Variants in NEB observed in about 807,000 individuals in gnomAD.
NEB encodes the protein nemaline myopathy type 2.
Under a neutral mutation model 952.2 loss-of-function variants are expected in NEB, and 512 were observed. The observed-to-expected ratio is 0.54, with a 90% confidence interval of 0.50 to 0.58. The LOEUF (loss-of-function observed/expected upper bound fraction) is 0.58, where lower values mean the gene tolerates loss of function less well. Ranked by LOEUF, NEB falls within the 20% of genes least tolerant of loss-of-function variation. The probability of loss-of-function intolerance (pLI) is 0.00; values close to 1 mark genes in which losing one functional copy is unlikely to be tolerated. For synonymous variants in NEB, 2,900 were observed against 3,149.8 expected, an observed-to-expected ratio of 0.92 and a Z score of 2.66; for missense variants, 8,428 against 9,231.1, an observed-to-expected ratio of 0.91 and a Z score of 3.56.
In NEB at chr2:151,537,883, T is replaced by A; in HGVS notation, c.21091A>T (p.Thr7031Ser). 6.2e-7 allele frequency: 1 copy of A among 1,600,198 alleles called. No homozygotes were observed. Among genetic ancestry groups the A allele is most frequent in the Admixed American group, 1.7e-5 (1 of 58,808 alleles). The change falls in exon 140 of 182, where the codon ACA becomes TCA. Residue 7031 changes from threonine (T) to serine (S), a missense_variant. Physicochemically the swap from Thr to Ser is moderately conservative, Grantham distance 58. This residue lies in a region of NEB where 3,374 missense variants were observed against 3,651.5 expected (regional missense o/e 0.92). Transcript: ENST00000397345. ...ATGTCAACACTCACATCACTGACTGTGTCAGTGACTGCTCGGTGGTGGAAA... is the reference window on the plus strand; with the variant it reads ...ATGTCAACACTCACATCACTGACTGAGTCAGTGACTGCTCGGTGGTGGAAA... ...EHFHHRAVTDTVSDVKYKEDL... is the reference protein window; with the variant it reads ...EHFHHRAVTDSVSDVKYKEDL...
In NEB at chr2:151,615,994, C is replaced by T; in HGVS notation, c.11289+8G>A. 2.5e-6 allele frequency: 4 copies of T among 1,595,630 alleles called. No homozygotes were observed. The highest frequency in any genetic ancestry group is 1.7e-6 in the Non-Finnish European group (2 of 1,168,310). ...ATAAGAAATGGCTTTTCCAAAACAT[C>T]CACTTACATCACTAGCAATATCTCT... On this transcript the variant is annotated splice_region_variant and intron_variant, in intron 76 of 181. Coordinates refer to ENST00000397345, the MANE Select transcript of NEB (RefSeq NM_001164508.2).
At position 151,729,606 on chromosome 2, in the gene NEB, G is replaced by A. The variant is rs373141155; in HGVS notation, c.78+9C>T. Reference sequence around the variant, plus strand: ...AATGCAGTTTATGCAGCTGTGGGCTGGGCCTTACCTCTCCCGGCACCTCTT... The same window carrying A: ...AATGCAGTTTATGCAGCTGTGGGCTAGGCCTTACCTCTCCCGGCACCTCTT... On this transcript the variant is annotated intron_variant, in intron 4 of 181. Transcript: ENST00000397345. 6.2e-7 allele frequency: 1 copy of A among 1,612,936 alleles called. No homozygotes were observed. Among genetic ancestry groups the A allele is most frequent in the Non-Finnish European group, 8.5e-7 (1 of 1,179,180 alleles).
In NEB at chr2:151,656,349, C is replaced by G; in HGVS notation, c.6299G>C (p.Arg2100Pro). 1 of 1,613,544 alleles carries G rather than the reference C, an allele frequency of 6.2e-7. No homozygotes were observed. The highest frequency in any genetic ancestry group is 8.5e-7 in the Non-Finnish European group (1 of 1,179,680). Residue 2100 changes from arginine (R) to proline (P), a missense_variant, in exon 49 of 182, where the codon CGG becomes CCG. By Grantham distance (103) the Arg-to-Pro change is moderately radical. Coordinates refer to ENST00000397345, the MANE Select transcript of NEB (RefSeq NM_001164508.2). ...SMQVAKMQSD[R>P]EYKKNYENTK... ...GTTCTCATAGTTTTTCTTGTACTCCCGATCAGATTGCATCTTAGCCACTTG... is the reference window on the plus strand; with the variant it reads ...GTTCTCATAGTTTTTCTTGTACTCCGGATCAGATTGCATCTTAGCCACTTG...
intron 168 of NEB, chr2:151,499,593 A>G: frequency 2.5e-6 from 1 of 402,924 alleles, no homozygotes; most frequent in Non-Finnish European, 4.5e-6. Flanking sequence ...TTTGATATTC[A>G]TCATCTTTTT....
chr2:151,643,861 C>T lies in NEB; in HGVS notation c.7913G>A (p.Ser2638Asn), dbSNP rs749473861. The part of the protein sequence containing the change: ...LHQWTCLPDQ[S>N]DVIHARQAYD... Reference sequence around the variant, plus strand: ...GGCCTGCCGAGCATGGATGACATCGCTCTGGTCGGGCAGGCATGTCCACTG... The same window carrying T: ...GGCCTGCCGAGCATGGATGACATCGTTCTGGTCGGGCAGGCATGTCCACTG... The change falls in exon 57 of 182, where the codon AGC (serine) becomes AAC (asparagine). Residue 2638 changes from serine (S) to asparagine (N), a missense_variant. By Grantham distance (46) the Ser-to-Asn change is conservative. This residue lies in a region of NEB where 1,772 missense variants were observed against 1,960.3 expected (regional missense o/e 0.90). Transcript: ENST00000397345. 6.8e-6 allele frequency: 11 copies of T among 1,613,904 alleles called. No homozygotes were observed. In the Admixed American group the frequency reaches 1.3e-4, roughly 20 times the overall value.
intron 107 of NEB, among the ~76,000 whole-genome samples, chr2:151,572,021 T>C (rs1383955842): frequency 6.6e-6 from 1 of 152,222 alleles, no homozygotes; most frequent in Admixed American, 6.5e-5. Flanking sequence ...ATATTCTCCA[T>C]ATTAAAATGT....
At chr2:151,644,347 A>C in intron 56 of NEB, 121 bp downstream of exon 56, 1 of 1,099,920 alleles carries the variant, frequency 9.1e-7, no homozygotes, top group Non-Finnish European at 1.3e-6. Flanking sequence ...ACTGCATGGG[A>C]TCATTTTATT....
In NEB at chr2:151,554,998, A is replaced by C; in HGVS notation, c.19361T>G (p.Leu6454Ter). Residue 6454 changes from leucine to a stop codon, truncating the protein, a stop_gained, in exon 125 of 182, where the codon TTA becomes TGA. Transcript: ENST00000397345. LOFTEE classifies it high-confidence loss of function. The part of the protein sequence containing the change: ...EYEKFKALYT[L>*]PRSVDDDPNT... ...CGGATCATCGTCAACACTTCTTGGT[A>C]ACGTATAAAGAGCTTTGAACTTTTC... The C allele has an allele frequency of 1.2e-6, 2 of 1,613,822 alleles. No homozygotes were observed. Among genetic ancestry groups the C allele is most frequent in the South Asian group, 2.2e-5 (2 of 91,080 alleles).
At position 151,569,864 on chromosome 2, in the gene NEB, T is replaced by C. The variant is rs570122863; in HGVS notation, c.17430+217A>G. On this transcript the variant is annotated intron_variant, in intron 109 of 181. Coordinates refer to ENST00000397345, the MANE Select transcript of NEB (RefSeq NM_001164508.2). ...CACAGTTTTCTTTAATCTGATACAA[T>C]TAAGACCTGTATTCATACTACCATT... is the stretch of plus-strand genomic sequence containing the variant. Among the ~76,000 whole-genome samples, 17 of 152,332 alleles carry C rather than the reference T, an allele frequency of 1.1e-4. No individual in the cohort carries two copies. In the South Asian group the frequency reaches 1.2e-3, roughly 11 times the overall value.
intron 153 of NEB, among the ~76,000 whole-genome samples, chr2:151,522,597 T>C (rs2082640662): frequency 6.7e-6 from 1 of 149,582 alleles, no homozygotes; most frequent in Non-Finnish European, 1.5e-5. Flanking sequence ...TCAACAAATT[T>C]CCACAGCAAT....
At chr2:151,497,777 C>G in intron 170 of NEB, 59 bp from the exon 171 acceptor site, 1 of 1,546,028 alleles carries the variant, frequency 6.5e-7, no homozygotes, top group Non-Finnish European at 8.7e-7. Flanking sequence ...TTTCTTGGGA[C>G]TTTTTAAGGA....
In NEB at chr2:151,725,514, G is replaced by A. The variant is rs1243797690; in HGVS notation, c.341C>T (p.Ala114Val). The A allele has an allele frequency of 9.3e-6, 15 of 1,613,436 alleles. No homozygotes were observed. The highest frequency in any genetic ancestry group is 1.3e-5 in the African/African-American group (1 of 74,828). The change falls in exon 6 of 182, where the codon GCC (alanine) becomes GTC (valine). Residue 114 changes from alanine (A) to valine (V), a missense_variant. By Grantham distance (64) the Ala-to-Val change is moderately conservative. Transcript: ENST00000397345. The stretch of plus-strand genomic sequence containing the variant: ...AAGTTCTGGAGTATCTGTTGTGCTG[G>A]CGTATGGCTGTCCTTTTGTTTTCTC... ...KFEKTKGQPY[A>V]STTDTPELRR...
intron 13 of NEB, among the ~76,000 whole-genome samples, chr2:151,705,096 G>A (rs1286588189): frequency 2.0e-5 from 3 of 151,936 alleles, no homozygotes; most frequent in Non-Finnish European, 4.4e-5. Flanking sequence ...GTTATATAAG[G>A]TGAGAAATAC....
Position 151,688,412 on chromosome 2 carries a change from T to C in NEB, c.2311-16A>G. The C allele has an allele frequency of 6.3e-7, 1 of 1,591,790 alleles. No homozygotes were observed. Among genetic ancestry groups the C allele is most frequent in the East Asian group, 2.2e-5 (1 of 44,736 alleles). Reference sequence around the variant, plus strand: ...TGTAATTCAGCTGAAAAACAAAGGATATTTGAACGGTTCAGGGGAACTTCT... The same window carrying C: ...TGTAATTCAGCTGAAAAACAAAGGACATTTGAACGGTTCAGGGGAACTTCT... On this transcript the variant is annotated splice_polypyrimidine_tract_variant and intron_variant, in intron 24 of 181. Transcript: ENST00000397345.
chr2:151,574,626 T>C (rs2096766801), intron 107 of NEB, among the ~76,000 whole-genome samples: 1 of 152,218 alleles, frequency 6.6e-6, no homozygotes, highest in Non-Finnish European at 1.5e-5. Flanking sequence ...CATTCCTGCA[T>C]GAACCCCAGT....
At chr2:151,679,014 T>C (rs2099394864) in intron 32 of NEB, among the ~76,000 whole-genome samples, 1 of 152,178 alleles carries the variant, frequency 6.6e-6, no homozygotes, top group South Asian at 2.1e-4. Flanking sequence ...TTCTGGGTCA[T>C]ACAGAGCAGC....
chr2:151,721,292 C>T (rs902465772), intron 9 of NEB, among the ~76,000 whole-genome samples: 1 of 152,128 alleles, frequency 6.6e-6, no homozygotes, highest in African/African-American at 2.4e-5. Context: ...TCTTATGATG[C>T]CTCTTATTTA....
intron 52 of NEB, among the ~76,000 whole-genome samples, chr2:151,652,199 G>T (rs2099038223): frequency 6.6e-6 from 1 of 152,068 alleles, no homozygotes; most frequent in Non-Finnish European, 1.5e-5. Flanking sequence ...GAAATGACCT[G>T]CCCTGAAGGA....
intron 71 of NEB, among the ~76,000 whole-genome samples, chr2:151,623,361 T>C (rs777496097): frequency 6.6e-6 from 1 of 152,150 alleles, no homozygotes; most frequent in Non-Finnish European, 1.5e-5. Context: ...TCCCTCTACT[T>C]TATACTGTTC....
Sources: allele counts gnomAD v4.1 joint callset (sites outside exome capture counted in the v4.1 genomes callset), GRCh38; gene constraint gnomAD v4.1.1; regional missense constraint gnomAD v4.1.1; transcripts MANE v1.5; gene names NCBI Gene and HGNC (gene_info 2026-07-23, HGNC 2026-07-21).